Variants in CX3CL1 observed in about 807,000 individuals in gnomAD.
CX3CL1 encodes fractalkine.
In CX3CL1, 1 loss-of-function variant was observed where a neutral mutation model predicts 14.1. That is an observed-to-expected ratio of 0.07 (90% CI 0.03 to 0.34). The LOEUF is 0.34. Among genes scored for constraint, CX3CL1 ranks in the 10% least tolerant of loss-of-function variants. CX3CL1 has a pLI of 0.99. For synonymous variants in CX3CL1, 255 were observed against 229.6 expected (o/e 1.11, Z -1.00); for missense variants, 505 against 536.4 (o/e 0.94, Z 0.58).
chr16:57,374,765 A>C (rs1427651459), intron 1 of CX3CL1, among the ~76,000 whole-genome samples: 1 of 152,182 alleles, frequency 6.6e-6, no homozygotes, highest in Non-Finnish European at 1.5e-5. Context: ...CTGTAATTCA[A>C]CTGCAGAGGA....
chr16:57,373,862 C>G (rs548712042), intron 1 of CX3CL1, among the ~76,000 whole-genome samples: 4 of 152,216 alleles, frequency 2.6e-5, no homozygotes, highest in African/African-American at 9.6e-5. Flanking sequence ...ATTACCTCTC[C>G]GGTGGATTGG....
At chr16:57,375,153 GAAA>G (rs1410772022) in intron 1 of CX3CL1, among the ~76,000 whole-genome samples, 30 of 47,220 alleles carry the variant, frequency 6.4e-4, no homozygotes, top group Non-Finnish European at 2.3e-3. Context: ...AAAAAAAAAA[GAAA>G]GAAAAGAAAA....
chr16:57,377,666 C>A (rs1902263411), intron 1 of CX3CL1: 1 of 152,136 alleles, frequency 6.6e-6, no homozygotes. Context: ...TATGCATGAG[C>A]AGTTCGTGTT....
rs1902194514 is a variant in CX3CL1 at position 57,372,652 on chromosome 16, G to C, written c.70+14G>C. Reference sequence around the variant, plus strand: ...TCCTGCTGGCTGGTAAGTGGGGCTTGACTTGGGCACAAACAGGGTAGGGAG... The same window carrying C: ...TCCTGCTGGCTGGTAAGTGGGGCTTCACTTGGGCACAAACAGGGTAGGGAG... On this transcript the variant is annotated intron_variant, in intron 1 of 2. Transcript: ENST00000006053. The C allele has an allele frequency of 6.2e-7, 1 of 1,613,172 alleles. No homozygotes were observed.
In CX3CL1 at chr16:57,381,926, C is replaced by A; in HGVS notation, c.192-104C>A. 8 of 1,279,050 alleles carry A rather than the reference C, an allele frequency of 6.3e-6. No individual in the cohort carries two copies. The South Asian group carries it at 1.2e-4, about 20-fold the overall frequency. The allele number at this position is 1,279,050 out of a possible 1,614,324, so 79.2% of individuals were successfully genotyped here. On this transcript the variant is annotated intron_variant, in intron 2 of 2. Coordinates refer to ENST00000006053, the MANE Select transcript of CX3CL1 (RefSeq NM_002996.6). ...TAAGTGGGAGGACAGGGTTTCCAGC[C>A]GGGTGTGTTCACCTGCAGAGTATTG...
chr16:57,380,901 C>T (rs1902310595), intron 2 of CX3CL1, among the ~76,000 whole-genome samples: 1 of 152,198 alleles, frequency 6.6e-6, no homozygotes, highest in South Asian at 2.1e-4. Flanking sequence ...GGAAGTCTGG[C>T]ACTTCCTCTC....
rs768678705 is a variant in CX3CL1 at position 57,382,012 on chromosome 16, T to C, written c.192-18T>C. ...TGGTATCTGGGCATAACCGAATCCC[T>C]GTCTTCCTCCCTTGTAGCTTGGAGA... is the stretch of plus-strand genomic sequence containing the variant. On this transcript the variant is annotated intron_variant, in intron 2 of 2. Coordinates refer to ENST00000006053, the MANE Select transcript of CX3CL1 (RefSeq NM_002996.6). This position sits in a 1 kb window ranked among gnomAD's most constrained non-coding sequence, Gnocchi z 6.9. 4 of 1,555,714 alleles carry C rather than the reference T, an allele frequency of 2.6e-6. No individual in the cohort carries two copies. The highest frequency in any genetic ancestry group is 3.5e-6 in the Non-Finnish European group (4 of 1,145,820).
intron 2 of CX3CL1, among the ~76,000 whole-genome samples, chr16:57,381,650 G>C (rs596511): frequency 0.27 from 40,858 of 152,002 alleles, 7,130 homozygotes; most frequent in African/African-American, 0.49. Flanking sequence ...CTCTGAGCTG[G>C]GTGCTTCACA....
intron 1 of CX3CL1, chr16:57,378,167 G>C (rs557600201): frequency 6.6e-6 from 1 of 152,060 alleles, no homozygotes; most frequent in Non-Finnish European, 1.5e-5. Flanking sequence ...AACTGCTCTC[G>C]GGCTCATTCT....
At chr16:57,381,669 C>A (rs998555460) in intron 2 of CX3CL1, among the ~76,000 whole-genome samples, 2 of 152,074 alleles carry the variant, frequency 1.3e-5, no homozygotes, top group African/African-American at 4.8e-5. Flanking sequence ...CATAATTTAC[C>A]TTTTTTTACA....
chr16:57,381,464 G>A (rs987037639), intron 2 of CX3CL1, among the ~76,000 whole-genome samples: 8 of 152,106 alleles, frequency 5.3e-5, no homozygotes, highest in East Asian at 1.9e-4. Context: ...CTGTGAAACC[G>A]AAGGAGAGGA....
At position 57,382,408 on chromosome 16, in the gene CX3CL1, C is replaced by G. The variant is rs192202449; in HGVS notation, c.570C>G (p.Pro190=). 5 of 1,612,318 alleles carry G rather than the reference C, an allele frequency of 3.1e-6. No individual in the cohort carries two copies. Among genetic ancestry groups the G allele is most frequent in the Non-Finnish European group, 4.2e-6 (5 of 1,179,984 alleles). ...GCACGGAGCTTTTCCGAGTGCCTCC[C>G]GTCTCCACTGCCGCCACGTGGCAGA... ...PVGTELFRVP[P]VSTAATWQSS... is the part of the protein sequence containing the mutation. Residue 190 remains proline (P), a synonymous_variant, in exon 3 of 3, where the codon CCC becomes CCG. Transcript: ENST00000006053. This position sits in a 1 kb window ranked among gnomAD's most constrained non-coding sequence, Gnocchi z 6.9.
chr16:57,372,716 G>A (rs1224529022), intron 1 of CX3CL1, 78 bp downstream of exon 1: 2 of 1,504,784 alleles, frequency 1.3e-6, no homozygotes, highest in South Asian at 1.1e-5. Context: ...CTGACATCAG[G>A]GGCCCCAGAC....
At position 57,379,547 on chromosome 16, in the gene CX3CL1, G is replaced by A. The variant is rs1190360673; in HGVS notation, c.71-87G>A. The A allele has an allele frequency of 3.2e-6, 5 of 1,559,792 alleles. No individual in the cohort carries two copies. In the African/African-American group the frequency reaches 5.4e-5, roughly 17 times the overall value. On this transcript the variant is annotated intron_variant, in intron 1 of 2. Transcript: ENST00000006053. ...GTACAGGGGATCAGTTTTGGCTTGG[G>A]TGGTGTGGCCGGGACAATCTGGCAC... is the stretch of plus-strand genomic sequence containing the variant.
Position 57,385,031 on chromosome 16 carries a change from A to G in CX3CL1, c.*1999A>G, listed in dbSNP as rs1387749539. On this transcript the variant is annotated 3_prime_UTR_variant, in exon 3 of 3. Coordinates refer to ENST00000006053, the MANE Select transcript of CX3CL1 (RefSeq NM_002996.6). ...ATTTTGTATTTTACTAATAAAATTT[A>G]AAAGTCTTGTGAATCAATATGGGTG... 1 of 152,100 alleles carries G rather than the reference A, an allele frequency of 6.6e-6. No homozygotes were observed. Among genetic ancestry groups the G allele is most frequent in the African/African-American group, 2.4e-5 (1 of 41,444 alleles). 9.4% of individuals were successfully genotyped at this position (152,100 alleles called of 1,614,324 possible).
At chr16:57,372,862 C>A (rs1013696679) in intron 1 of CX3CL1, among the ~76,000 whole-genome samples, 1 of 152,172 alleles carries the variant, frequency 6.6e-6, no homozygotes, top group African/African-American at 2.4e-5. Flanking sequence ...CCTGGCCCAG[C>A]GAGCAAAGTG....
Position 57,379,702 on chromosome 16 carries a change from T to G in CX3CL1, c.139T>G (p.Leu47Val). ...SKMTSKIPVA[L>V]LIHYQQNQAS... ...GATGACATCAAAGATACCTGTAGCTTTGCTCATCCACTATCAACAGAACCA... is the reference window on the plus strand; with the variant it reads ...GATGACATCAAAGATACCTGTAGCTGTGCTCATCCACTATCAACAGAACCA... The change falls in exon 2 of 3, where the codon TTG (leucine) becomes GTG (valine). Residue 47 changes from leucine to valine, a missense_variant. By Grantham distance (32) the Leu-to-Val change is conservative (BLOSUM62 1). Coordinates refer to ENST00000006053, the MANE Select transcript of CX3CL1 (RefSeq NM_002996.6). 6.2e-7 allele frequency: 1 copy of G among 1,614,238 alleles called. No individual in the cohort carries two copies. Among genetic ancestry groups the G allele is most frequent in the Non-Finnish European group, 8.5e-7 (1 of 1,180,028 alleles).
intron 1 of CX3CL1, among the ~76,000 whole-genome samples, chr16:57,373,976 T>A (rs1902212445): frequency 6.6e-6 from 1 of 151,936 alleles, no homozygotes; most frequent in Non-Finnish European, 1.5e-5. Context: ...TAGGCTAGGA[T>A]GGAAAGGGGA....
At position 57,383,119 on chromosome 16, in the gene CX3CL1, C is replaced by A. The variant is rs550348121; in HGVS notation, c.*87C>A. On this transcript the variant is annotated 3_prime_UTR_variant, in exon 3 of 3. Coordinates refer to ENST00000006053, the MANE Select transcript of CX3CL1 (RefSeq NM_002996.6). ...TACCCACCCCCACCCAAGGGCCTGG[C>A]CTGAGCTGGGATGATTGGAGGGGGG... 11 of 1,244,586 alleles carry A rather than the reference C, an allele frequency of 8.8e-6. No homozygotes were observed. The highest frequency in any genetic ancestry group is 2.8e-5 in the East Asian group (1 of 36,036). The allele number at this position is 1,244,586 out of a possible 1,614,324, so 77.1% of individuals were successfully genotyped here. A position where few individuals can be genotyped will look rare whatever the true frequency, so the allele number is the denominator to read the frequency against.
Sources: allele counts gnomAD v4.1 joint callset (sites outside exome capture counted in the v4.1 genomes callset), GRCh38; gene constraint gnomAD v4.1.1; non-coding constraint Gnocchi (gnomAD v3.1); transcripts MANE v1.5; gene names NCBI Gene and HGNC (gene_info 2026-07-23, HGNC 2026-07-21).